The following ZNF367 variants were observed in gnomAD, a reference collection of about 807,000 sequenced individuals.
The protein encoded by ZNF367 is C2H2 zinc finger protein ZFF29.
In ZNF367, 11 loss-of-function variants were observed where a neutral mutation model predicts 31.8. That is an observed-to-expected ratio of 0.35 (90% confidence interval 0.22 to 0.57). The LOEUF (loss-of-function observed/expected upper bound fraction) is 0.57, where lower values mean the gene tolerates loss of function less well. Ranked by LOEUF, ZNF367 falls within the 20% of genes least tolerant of loss-of-function variation. The pLI is 0.85. For synonymous variants in ZNF367, 199 were observed against 202.4 expected (o/e 0.98, Z 0.14); for missense variants, 353 against 484.1 (o/e 0.73, Z 2.54).
chr9:96,401,784 C>T (rs1001816219), intron 1 of ZNF367, among the ~76,000 whole-genome samples: 1 of 151,530 alleles, frequency 6.6e-6, no homozygotes, highest in Non-Finnish European at 1.5e-5. Flanking sequence ...GCCAAGATTG[C>T]GCCCCTGCAC....
At chr9:96,405,305 ACT>A (rs1487257608) in intron 1 of ZNF367, among the ~76,000 whole-genome samples, 40 of 138,310 alleles carry the variant, frequency 2.9e-4, no homozygotes, top group African/African-American at 1.0e-3. Flanking sequence ...ACTAAGCAAA[ACT>A]CTGTCTCAAA....
Position 96,417,033 on chromosome 9 carries a change from G to A in ZNF367, c.420+580C>T, listed in dbSNP as rs1410505746. On this transcript the variant is annotated intron_variant, in intron 1 of 4. Transcript: ENST00000375256. The surrounding 1 kb of genome is among the most constrained non-coding windows in gnomAD (Gnocchi z 5.0). The stretch of plus-strand genomic sequence containing the variant: ...ACCTTCCCAGCTTTAAGCAGTCGGA[G>A]ACTGCAAGCAATTTTAGCGTCCCAT... 6.6e-6 allele frequency among the ~76,000 whole-genome samples: 1 copy of A among 152,212 alleles called. No individual in the cohort carries two copies. The highest frequency in any genetic ancestry group is 1.9e-4 in the East Asian group (1 of 5,192).
chr9:96,411,108 C>T (rs531627519), intron 1 of ZNF367, among the ~76,000 whole-genome samples: 101 of 151,620 alleles, frequency 6.7e-4, no homozygotes, highest in Non-Finnish European at 8.4e-4. Context: ...CACTTGAACC[C>T]GATAGGCCAA....
At position 96,392,463 on chromosome 9, in the gene ZNF367, C is replaced by T. The variant is rs1436289974; in HGVS notation, c.765G>A (p.Glu255=). Residue 255 remains glutamate, a synonymous_variant, in exon 4 of 5, where the codon GAG becomes GAA. Transcript: ENST00000375256. ...GATGTTTGCTGAGTGTGTCCGTGGG[C>T]TCCTCTCTCTTCAGCCTGGCGTAGG... ...KHPYARLKRE[E]PTDTLSKHQA... The T allele has an allele frequency of 2.1e-5, 34 of 1,614,022 alleles. No individual in the cohort carries two copies. The highest frequency in any genetic ancestry group is 3.3e-5 in the South Asian group (3 of 91,086).
At chr9:96,410,156 G>A (rs184873736) in intron 1 of ZNF367, among the ~76,000 whole-genome samples, 5 of 151,844 alleles carry the variant, frequency 3.3e-5, no homozygotes, top group African/African-American at 4.8e-5. Flanking sequence ...CCAGCTACTC[G>A]GGAGGCTGAG....
Position 96,408,676 on chromosome 9 carries a change from G to A in ZNF367, c.420+8937C>T, listed in dbSNP as rs191736265. Among the ~76,000 whole-genome samples the A allele has an allele frequency of 1.8e-4, 28 of 152,312 alleles. No individual in the cohort carries two copies. The East Asian group carries it at 4.0e-3, about 22-fold the overall frequency. ...TGTTTTACAAGATGAATAAATTCTA[G>A]GGACTTGTTGCACAACCGTTTACAT... On this transcript the variant is annotated intron_variant, in intron 1 of 4. Transcript: ENST00000375256.
chr9:96,402,395 CA>C (rs1831615565), intron 1 of ZNF367, among the ~76,000 whole-genome samples: 1 of 148,048 alleles, frequency 6.8e-6, no homozygotes, highest in African/African-American at 2.5e-5. Context: ...AGAAATAGTT[CA>C]AAAACAGCTG....
chr9:96,393,032 C>A (rs955010303), intron 3 of ZNF367, among the ~76,000 whole-genome samples: 71 of 152,276 alleles, frequency 4.7e-4, no homozygotes, highest in African/African-American at 1.7e-3. Flanking sequence ...TTGCCGTGAG[C>A]CGAGATCACG....
intron 1 of ZNF367, among the ~76,000 whole-genome samples, chr9:96,405,307 T>C (rs1320249844): frequency 1.8e-5 from 2 of 110,814 alleles, no homozygotes; most frequent in African/African-American, 7.0e-5. Flanking sequence ...TAAGCAAAAC[T>C]CTGTCTCAAA....
At chr9:96,390,700 G>A (rs1173290657) in intron 4 of ZNF367, among the ~76,000 whole-genome samples, 1 of 151,824 alleles carries the variant, frequency 6.6e-6, no homozygotes, top group Non-Finnish European at 1.5e-5. Flanking sequence ...CGTGGGCAAC[G>A]TGACAAGACC....
Position 96,388,143 on chromosome 9 carries a change from G to C in ZNF367, c.*94C>G. The C allele has an allele frequency of 8.1e-7, 1 of 1,237,508 alleles. No homozygotes were observed. Among genetic ancestry groups the C allele is most frequent in the Non-Finnish European group, 1.1e-6 (1 of 893,926 alleles). 76.7% of individuals were successfully genotyped at this position (1,237,508 alleles called of 1,614,324 possible). ...AAATTTCTACAGAATAGCAGCCTAT[G>C]ATAAGCAAATAAGGTGCTTAGCTTA... On this transcript the variant is annotated 3_prime_UTR_variant, in exon 5 of 5. Transcript: ENST00000375256.
intron 1 of ZNF367, among the ~76,000 whole-genome samples, chr9:96,416,072 GTTTTTTTTTTTGTTGT>G (rs1344373629): frequency 7.2e-6 from 1 of 139,538 alleles, no homozygotes; most frequent in African/African-American, 2.6e-5. Flanking sequence ...CTCTGTTATG[GTTTTTTTTTTTGTTGT>G]TTTTTTTTTT....
intron 1 of ZNF367, among the ~76,000 whole-genome samples, chr9:96,415,309 C>T (rs1331411070): frequency 2.7e-5 from 4 of 149,112 alleles, no homozygotes; most frequent in Non-Finnish European, 5.9e-5. Context: ...CCTTGTGATC[C>T]GCCTGCCTCG....
intron 3 of ZNF367, among the ~76,000 whole-genome samples, chr9:96,393,979 G>A (rs187545212): frequency 5.3e-5 from 8 of 152,278 alleles, no homozygotes; most frequent in South Asian, 2.1e-4. Flanking sequence ...CAGATTGCAC[G>A]GAACTTCAAA....
At chr9:96,396,689 A>AT (rs1348597367) in intron 2 of ZNF367, among the ~76,000 whole-genome samples, 2 of 148,996 alleles carry the variant, frequency 1.3e-5, no homozygotes, top group African/African-American at 4.9e-5. Flanking sequence ...TTTTTTTGAG[A>AT]TTGAGTTTTG....
intron 3 of ZNF367, among the ~76,000 whole-genome samples, 173 bp from the exon 4 acceptor site, chr9:96,392,709 G>A (rs1429002619): frequency 3.3e-5 from 5 of 152,200 alleles, no homozygotes; most frequent in Non-Finnish European, 5.9e-5. Flanking sequence ...GTGCTAGAGC[G>A]GGGACAGGAA....
At chr9:96,401,548 T>C (rs1330658358) in intron 1 of ZNF367, among the ~76,000 whole-genome samples, 1 of 150,994 alleles carries the variant, frequency 6.6e-6, no homozygotes, top group Non-Finnish European at 1.5e-5. Context: ...TCCCAGCTAC[T>C]CGGGAGGCTG....
intron 1 of ZNF367, among the ~76,000 whole-genome samples, chr9:96,412,101 AG>A (rs1831758237): frequency 1.3e-5 from 2 of 152,234 alleles, no homozygotes; most frequent in Non-Finnish European, 1.5e-5. Context: ...TATTAAAATA[AG>A]CAATGTTACT....
At chr9:96,407,001 CAAAAAAAA>C (rs71368256) in intron 1 of ZNF367, among the ~76,000 whole-genome samples, 31 of 35,908 alleles carry the variant, frequency 8.6e-4, no homozygotes, top group East Asian at 7.5e-3. Flanking sequence ...GACTCCATCT[CAAAAAAAA>C]AAAAAAAAAA....
Sources: gnomAD v4.1 joint callset for allele counts (sites outside exome capture counted in the v4.1 genomes callset) on GRCh38, gnomAD v4.1.1 for gene constraint, Gnocchi (gnomAD v3.1) non-coding constraint, MANE v1.5 for transcripts, NCBI Gene and HGNC (gene_info 2026-07-23, HGNC 2026-07-21) for gene names.